ITIH4: variants seen among roughly 807,000 people sequenced by gnomAD.
ITIH4 encodes the protein inter-alpha-trypsin inhibitor heavy chain 4.
Under a neutral mutation model 111.8 loss-of-function variants are expected in ITIH4, and 79 were observed. The ratio of observed to expected loss-of-function variants is 0.71; its 90% CI spans 0.59 to 0.85. ITIH4 has a LOEUF of 0.85. ITIH4 is among the 40% of genes least tolerant of loss of function. The probability of loss-of-function intolerance (pLI) is 0.00; values close to 1 mark genes in which losing one functional copy is unlikely to be tolerated. For missense variants in ITIH4, 1,065 were observed against 1,195.8 expected (o/e 0.89, Z 1.61); for synonymous variants, 472 against 468.3 (o/e 1.01, Z -0.10).
intron 19 of ITIH4, 37 bp from the exon 20 acceptor site, chr3:52,818,205 G>A (rs768635317): frequency 4.4e-6 from 7 of 1,596,426 alleles, no homozygotes; most frequent in Non-Finnish European, 6.0e-6. Flanking sequence ...GAGCAGGAAG[G>A]GCAGGCTGGG....
At chr3:52,819,295 G>T in intron 17 of ITIH4, 98 bp downstream of exon 17, 1 of 1,405,040 alleles carries the variant, frequency 7.1e-7, no homozygotes, top group Non-Finnish European at 9.9e-7. Flanking sequence ...CCCTGGCCTG[G>T]CCCTGTGGTG....
In ITIH4 at chr3:52,821,884, C is replaced by T. The variant is rs529345772; in HGVS notation, c.1540-754G>A. On this transcript the variant is annotated intron_variant, in intron 11 of 23. Transcript: ENST00000266041. ...GATCTGCGGTCTGCTCCCACTGGAG[C>T]AGCCTGTCTCTCGCCCAGAGCCTGG... Among the ~76,000 whole-genome samples, 5 of 152,312 alleles carry T rather than the reference C, an allele frequency of 3.3e-5. No homozygotes were observed. In the East Asian group the frequency reaches 9.7e-4, roughly 29 times the overall value.
rs763936035 is a variant in ITIH4 at position 52,826,628 on chromosome 3, G to C, written c.543C>G (p.Pro181=). The C allele has an allele frequency of 2.5e-6, 4 of 1,614,036 alleles. No individual in the cohort carries two copies. Among genetic ancestry groups the C allele is most frequent in the Non-Finnish European group, 3.4e-6 (4 of 1,179,996 alleles). The stretch of plus-strand genomic sequence containing the variant: ...CTGTCTCCAGAAAGCTGATGCCCTG[G>C]GGCTCGAAGATGTGAATGTCCATCT... ...HLQMDIHIFE[P]QGISFLETES... The change falls in exon 5 of 24, where the codon CCC becomes CCG. Residue 181 remains proline (P), a synonymous_variant. Coordinates refer to ENST00000266041, the MANE Select transcript of ITIH4 (RefSeq NM_002218.5).
rs750104297 is a variant in ITIH4, at chr3:52,818,469, T to A, written c.2145A>T (p.Lys715Asn). Residue 715 changes from lysine (K) to asparagine (N), a missense_variant, in exon 18 of 24, where the codon AAA becomes AAT. Coordinates refer to ENST00000266041, the MANE Select transcript of ITIH4 (RefSeq NM_002218.5). ...DPAVSRVMNMKIEETTMTTQT... is the reference protein window; with the variant it reads ...DPAVSRVMNMNIEETTMTTQT... ...CTCTGGCCTTGGGGGCACCTTCGAT[T>A]TTCATATTCATGACACGAGACACAG... The A allele has an allele frequency of 1.3e-5, 21 of 1,602,420 alleles. No individual in the cohort carries two copies. Among genetic ancestry groups the A allele is most frequent in the Non-Finnish European group, 1.3e-5 (15 of 1,174,264 alleles).
chr3:52,824,799 G>A lies in ITIH4; in HGVS notation c.876+43C>T. The A allele has an allele frequency of 6.7e-7, 1 of 1,485,566 alleles. No homozygotes were observed. The highest frequency in any genetic ancestry group is 1.2e-5 in the South Asian group (1 of 86,580). The allele number at this position is 1,485,566 out of a possible 1,614,324, so 92.0% of individuals were successfully genotyped here. Reference sequence around the variant, plus strand: ...CGGACCACAGCTGATAGCGTGAAGGGCCTGGGAGTTTTCAGGGCCCTGCCC... The same window carrying A: ...CGGACCACAGCTGATAGCGTGAAGGACCTGGGAGTTTTCAGGGCCCTGCCC... On this transcript the variant is annotated intron_variant, in intron 7 of 23. Coordinates refer to ENST00000266041, the MANE Select transcript of ITIH4 (RefSeq NM_002218.5). This position sits in a 1 kb window ranked among gnomAD's most constrained non-coding sequence, Gnocchi z 4.3.
In ITIH4 at chr3:52,824,221, G is replaced by A. The variant is rs1272642403; in HGVS notation, c.1140C>T (p.Ile380=). 1 of 1,613,492 alleles carries A rather than the reference G, an allele frequency of 6.2e-7. No homozygotes were observed. The highest frequency in any genetic ancestry group is 1.1e-5 in the South Asian group (1 of 91,080). The change falls in exon 9 of 24, where the codon ATC becomes ATT. Residue 380 remains isoleucine (I), a synonymous_variant. Coordinates refer to ENST00000266041, the MANE Select transcript of ITIH4 (RefSeq NM_002218.5). This position sits in a 1 kb window ranked among gnomAD's most constrained non-coding sequence, Gnocchi z 4.3. ...TGGGGTCGCCATCGGTGAGCAGGAT[G>A]ATGAGTGAGACACTCCCTTCGGGCA... The part of the protein sequence containing the change: ...ERLPEGSVSL[I]ILLTDGDPTV...
In ITIH4 at chr3:52,814,050, A is replaced by G. The variant is rs1440601027; in HGVS notation, c.2648T>C (p.Leu883Pro). Residue 883 changes from leucine (L) to proline (P), a missense_variant, in exon 23 of 24, where the codon CTC becomes CCC. Coordinates refer to ENST00000266041, the MANE Select transcript of ITIH4 (RefSeq NM_002218.5). Reference sequence around the variant, plus strand: ...ATCTGATGCTGCTGGAGATCCCCAGAGCACCTCCTGGTAAAACTGGCCTGA... The same window carrying G: ...ATCTGATGCTGCTGGAGATCCCCAGGGCACCTCCTGGTAAAACTGGCCTGA... ...GTLGQFYQEV[L>P]WGSPAASDDG... The G allele has an allele frequency of 1.2e-6, 2 of 1,613,794 alleles. No homozygotes were observed. Among genetic ancestry groups the G allele is most frequent in the African/African-American group, 2.7e-5 (2 of 74,936 alleles).
chr3:52,813,968 A>G lies in ITIH4; in HGVS notation c.2723+7T>C, dbSNP rs2276811. ...CTGGGCTCAGCGGTCTGCTTGTGCC[A>G]AGTCACCTGGTGGCAGAGTGGTCAT... On this transcript the variant is annotated splice_region_variant and intron_variant, in intron 23 of 23. Transcript: ENST00000266041. The G allele has an allele frequency of 0.024, 38,330 of 1,609,854 alleles. 2,828 individuals are homozygous for G. The highest frequency in any genetic ancestry group is 0.22 in the African/African-American group (16,646 of 74,802).
rs994545292 is a variant in ITIH4 at position 52,813,271 on chromosome 3, G to C, written c.*150C>G. On this transcript the variant is annotated 3_prime_UTR_variant, in exon 24 of 24. Coordinates refer to ENST00000266041, the MANE Select transcript of ITIH4 (RefSeq NM_002218.5). ...CCTAGGATTTGGCCACATGGAACTGGAGACACCCACTTCCCAGGCTCACAC... is the reference window on the plus strand; with the variant it reads ...CCTAGGATTTGGCCACATGGAACTGCAGACACCCACTTCCCAGGCTCACAC... 4.2e-6 allele frequency: 3 copies of C among 721,750 alleles called. No individual in the cohort carries two copies. The highest frequency in any genetic ancestry group is 4.5e-5 in the Admixed American group (2 of 44,882). The allele number at this position is 721,750 out of a possible 1,614,324, so 44.7% of individuals were successfully genotyped here. A position where few individuals can be genotyped will look rare whatever the true frequency, so the allele number is the denominator to read the frequency against.
intron 2 of ITIH4, 82 bp from the exon 3 acceptor site, chr3:52,827,279 G>T (rs1362720771): frequency 2.7e-6 from 3 of 1,124,442 alleles, no homozygotes; most frequent in Non-Finnish European, 4.1e-6. Context: ...GAGCCTTTCT[G>T]GACTCGGTGT....
chr3:52,814,139 G>C, intron 22 of ITIH4, 68 bp from the exon 23 acceptor site: 1 of 1,601,434 alleles, frequency 6.2e-7, no homozygotes, highest in Non-Finnish European at 8.5e-7. Context: ...ACGCAGGGGA[G>C]GGGCGCTGCC....
chr3:52,827,179 GGTCAT>G lies in ITIH4; in HGVS notation c.265_269del (p.Met89LeufsTer10). The G allele has an allele frequency of 6.2e-7, 1 of 1,614,072 alleles. No individual in the cohort carries two copies. The highest frequency in any genetic ancestry group is 8.5e-7 in the Non-Finnish European group (1 of 1,179,950). The stretch of plus-strand genomic sequence containing the variant: ...CCTTCTCCTTGATGATCCCTGGGTA[GGTCAT>G]GCCATCGATGATCCTGGGGGCAGAA... On this transcript the variant is annotated frameshift_variant, in exon 3 of 24. Transcript: ENST00000266041. LOFTEE classifies it high-confidence loss of function.
chr3:52,825,914 T>C lies in ITIH4; in HGVS notation c.731A>G (p.Asp244Gly), dbSNP rs1700472812. The C allele has an allele frequency of 6.2e-7, 1 of 1,613,970 alleles. No homozygotes were observed. The highest frequency in any genetic ancestry group is 8.5e-7 in the Non-Finnish European group (1 of 1,179,996). Residue 244 changes from aspartate to glycine, a missense_variant, in exon 6 of 24, where the codon GAC (aspartate) becomes GGC (glycine). Asp to Gly is a moderately conservative substitution (Grantham distance 94). Coordinates refer to ENST00000266041, the MANE Select transcript of ITIH4 (RefSeq NM_002218.5). ...AATGGAGCCCCCGGAGATGGCCCGG[T>C]CCACATCATAGCGGATAATGAGGTT... is the stretch of plus-strand genomic sequence containing the variant. ...DGNLIIRYDV[D>G]RAISGGSIQI...
In ITIH4 at chr3:52,824,197, G is replaced by A. The variant is rs1189598878; in HGVS notation, c.1164C>T (p.Pro388=). 5.6e-6 allele frequency: 9 copies of A among 1,613,304 alleles called. No individual in the cohort carries two copies. Among genetic ancestry groups the A allele is most frequent in the Non-Finnish European group, 7.6e-6 (9 of 1,179,978 alleles). Reference sequence around the variant, plus strand: ...CACGGGCAGGGCCCTCACCCACAGTGGGGTCGCCATCGGTGAGCAGGATGA... The same window carrying A: ...CACGGGCAGGGCCCTCACCCACAGTAGGGTCGCCATCGGTGAGCAGGATGA... ...SLIILLTDGD[P]TVGETNPRSI... is the part of the protein sequence containing the mutation. The change falls in exon 9 of 24, where the codon CCC becomes CCT. Residue 388 remains proline, a synonymous_variant. Coordinates refer to ENST00000266041, the MANE Select transcript of ITIH4 (RefSeq NM_002218.5). This position sits in a 1 kb window ranked among gnomAD's most constrained non-coding sequence, Gnocchi z 4.3.
chr3:52,827,332 C>T lies in ITIH4; in HGVS notation c.252-135G>A, dbSNP rs1700499739. ...CTCCCATCTTTGCCTGAGCCCAGTG[C>T]CATTTATTATGCACCTACCGCATAC... is the stretch of plus-strand genomic sequence containing the variant. On this transcript the variant is annotated intron_variant, in intron 2 of 23. Coordinates refer to ENST00000266041, the MANE Select transcript of ITIH4 (RefSeq NM_002218.5). 5.5e-6 allele frequency: 4 copies of T among 732,202 alleles called. No homozygotes were observed. The Admixed American group carries it at 8.4e-5, about 15-fold the overall frequency. 45.4% of individuals were successfully genotyped at this position (732,202 alleles called of 1,614,324 possible).
At chr3:52,825,358 T>C (rs1484446298) in intron 6 of ITIH4, 1 of 155,120 alleles carries the variant, frequency 6.4e-6, no homozygotes, top group Admixed American at 6.5e-5. Flanking sequence ...TTCCAGCACT[T>C]TGGGAGGCTT....
intron 17 of ITIH4, 58 bp downstream of exon 17, chr3:52,819,335 C>T (rs1446478635): frequency 9.3e-6 from 15 of 1,605,912 alleles, no homozygotes; most frequent in Non-Finnish European, 1.2e-5. Context: ...CTCTATGGGG[C>T]AGGCTCAAGG....
At chr3:52,825,081 C>T (rs1685703360) in intron 6 of ITIH4, 123 bp from the exon 7 acceptor site, 1 of 610,178 alleles carries the variant, frequency 1.6e-6, no homozygotes, top group East Asian at 2.9e-5. Flanking sequence ...CATCCCACTG[C>T]TAACCTCCCC....
intron 21 of ITIH4, among the ~76,000 whole-genome samples, chr3:52,815,490 C>T (rs1408788476): frequency 1.3e-5 from 2 of 152,002 alleles, no homozygotes; most frequent in Non-Finnish European, 2.9e-5. Flanking sequence ...GATCCACCTG[C>T]GCTGGCCTCC....
Sources: allele counts gnomAD v4.1 joint callset (sites outside exome capture counted in the v4.1 genomes callset), GRCh38; gene constraint gnomAD v4.1.1; non-coding constraint Gnocchi (gnomAD v3.1); transcripts MANE v1.5; gene names NCBI Gene and HGNC (gene_info 2026-07-23, HGNC 2026-07-21).